Variants in SLC6A16 observed in about 807,000 individuals in gnomAD.
SLC6A16 encodes the protein solute carrier family 6 member 16.
In SLC6A16, 54 loss-of-function variants were observed where a neutral mutation model predicts 65.4. That is an observed-to-expected ratio of 0.83 (90% CI 0.66 to 1.04). The LOEUF (loss-of-function observed/expected upper bound fraction) is 1.04. Ranked by LOEUF, SLC6A16 falls within the 50% of genes least tolerant of loss-of-function variation. SLC6A16 has a pLI of 0.00. For missense variants in SLC6A16, 816 were observed against 914.0 expected (o/e 0.89, Z 1.38); for synonymous variants, 330 against 346.5 (o/e 0.95, Z 0.53).
chr19:49,325,293 C>T, upstream of SLC6A16: 3 of 950,318 alleles, frequency 3.2e-6, no homozygotes, highest in Non-Finnish European at 2.5e-6. Context: ...ACTTCGCCCT[C>T]CCCAACTCCC....
intron 7 of SLC6A16, among the ~76,000 whole-genome samples, chr19:49,300,909 G>A (rs1241429463): frequency 6.6e-6 from 1 of 152,014 alleles, no homozygotes; most frequent in Non-Finnish European, 1.5e-5. Context: ...AAAATTAGCT[G>A]GGCATGGTGG....
chr19:49,302,227 G>T (rs1970304566), intron 7 of SLC6A16, among the ~76,000 whole-genome samples: 1 of 152,206 alleles, frequency 6.6e-6, no homozygotes, highest in Non-Finnish European at 1.5e-5. Context: ...GCAGCAGAGT[G>T]TGTGCACACC....
chr19:49,319,676 A>G (rs1419549118), intron 1 of SLC6A16, among the ~76,000 whole-genome samples: 1 of 152,094 alleles, frequency 6.6e-6, no homozygotes, highest in Non-Finnish European at 1.5e-5. Flanking sequence ...GAAGATAAGC[A>G]AGGAAATAGA....
chr19:49,310,537 T>C (rs1369546233), intron 2 of SLC6A16, 27 bp from the exon 3 acceptor site: 2 of 1,613,586 alleles, frequency 1.2e-6, no homozygotes, highest in Non-Finnish European at 8.5e-7. Flanking sequence ...GAAGGGACTC[T>C]GAGAACCATG....
intron 1 of SLC6A16, among the ~76,000 whole-genome samples, 176 bp downstream of exon 1, chr19:49,324,872 G>A (rs907842770): frequency 2.0e-5 from 3 of 152,158 alleles, no homozygotes; most frequent in East Asian, 1.9e-4. Context: ...GGGGGGTAAA[G>A]GAGGGACCCC....
At position 49,309,317 on chromosome 19, in the gene SLC6A16, T is replaced by A. The variant is rs766320489; in HGVS notation, c.971A>T (p.Gln324Leu). Reference protein sequence around the residue: ...LLEGAKFGLQQLVVAKISDVY... With the variant: ...LLEGAKFGLQLLVVAKISDVY... The stretch of plus-strand genomic sequence containing the variant: ...AGATTTCACCTTGGCAACCACCAAC[T>A]GTTGAAGGCCAAATTTTGCCCCTTC... Residue 324 changes from glutamine to leucine, a missense_variant, in exon 6 of 12, where the codon CAG becomes CTG. Transcript: ENST00000335875. 45 of 1,613,486 alleles carry A rather than the reference T, an allele frequency of 2.8e-5. No homozygotes were observed. The highest frequency in any genetic ancestry group is 3.6e-5 in the Non-Finnish European group (43 of 1,179,526).
At chr19:49,310,016 C>T (rs1475475206) in intron 4 of SLC6A16, 24 bp downstream of exon 4, 4 of 1,610,404 alleles carry the variant, frequency 2.5e-6, no homozygotes, top group East Asian at 2.2e-5. Context: ...TTTCCCTTCT[C>T]CTCTTCTTTC....
chr19:49,309,053 C>G lies in SLC6A16; in HGVS notation c.1052G>C (p.Gly351Ala). The G allele has an allele frequency of 6.2e-7, 1 of 1,614,154 alleles. No homozygotes were observed. Among genetic ancestry groups the G allele is most frequent in the Non-Finnish European group, 8.5e-7 (1 of 1,180,034 alleles). Residue 351 changes from glycine to alanine, a missense_variant, in exon 7 of 12, where the codon GGC becomes GCC. By Grantham distance (60) the Gly-to-Ala change is moderately conservative (BLOSUM62 0). Transcript: ENST00000335875. ...GGAGGCAACGGAGCCAAGGCCTATG[C>G]CTGTGTTAGACAAAACTTGACCCCC... ...LAGGQVLSNT[G>A]IGLGSVASLA...
chr19:49,307,368 C>T (rs1970411094), intron 7 of SLC6A16, among the ~76,000 whole-genome samples: 1 of 151,770 alleles, frequency 6.6e-6, no homozygotes, highest in African/African-American at 2.4e-5. Context: ...GAGGGCAATG[C>T]ATTACGCCAC....
intron 7 of SLC6A16, among the ~76,000 whole-genome samples, chr19:49,304,526 G>A (rs1321571948): frequency 6.6e-6 from 1 of 152,176 alleles, no homozygotes; most frequent in Non-Finnish European, 1.5e-5. Context: ...AGCACTTCGG[G>A]AGGCTGAGGT....
chr19:49,314,159 G>C (rs1424581674), intron 1 of SLC6A16, among the ~76,000 whole-genome samples: 2 of 151,246 alleles, frequency 1.3e-5, no homozygotes, highest in Non-Finnish European at 2.9e-5. Context: ...ATTGATAAGT[G>C]AAAATAAAAA....
intron 1 of SLC6A16, among the ~76,000 whole-genome samples, chr19:49,321,548 T>C (rs1455913967): frequency 1.3e-5 from 2 of 151,988 alleles, no homozygotes; most frequent in East Asian, 1.9e-4. Context: ...CCAGCCTGGC[T>C]AACATGGTGA....
intron 7 of SLC6A16, among the ~76,000 whole-genome samples, chr19:49,297,986 T>C (rs1970216132): frequency 6.6e-6 from 1 of 152,086 alleles, no homozygotes; most frequent in South Asian, 2.1e-4. Flanking sequence ...CTAGATGATA[T>C]AGTAAAAAGG....
chr19:49,339,350 G>GA, the SLC6A16 span: 1 of 1,614,084 alleles, frequency 6.2e-7, no homozygotes, highest in Non-Finnish European at 8.5e-7. The surrounding 1 kb of genome is among the most constrained non-coding windows in gnomAD (Gnocchi z 4.5). Flanking sequence ...AGGGCCTCCA[G>GA]AAGTGGCTGC....
chr19:49,336,004 T>G, the SLC6A16 span: 1 of 585,428 alleles, frequency 1.7e-6, no homozygotes, highest in South Asian at 2.1e-5. Flanking sequence ...TCTCAAGCAC[T>G]TCCTATCTGT....
rs1050678376 is a variant in SLC6A16 at position 49,292,150 on chromosome 19, C to G, written c.1778+1073G>C. Reference sequence around the variant, plus strand: ...TTTGGGAGGCTGAGGCAGGTGATCACGAGGTCAAGAGTTCGAGACCAGCCT... The same window carrying G: ...TTTGGGAGGCTGAGGCAGGTGATCAGGAGGTCAAGAGTTCGAGACCAGCCT... On this transcript the variant is annotated intron_variant, in intron 10 of 11. Transcript: ENST00000335875. The surrounding 1 kb of genome is among the most constrained non-coding windows in gnomAD (Gnocchi z 4.3). Among the ~76,000 whole-genome samples, 2 of 152,050 alleles carry G rather than the reference C, an allele frequency of 1.3e-5. No individual in the cohort carries two copies. Among genetic ancestry groups the G allele is most frequent in the Non-Finnish European group, 2.9e-5 (2 of 67,976 alleles).
chr19:49,334,868 G>A, the SLC6A16 span, among the ~76,000 whole-genome samples: 4 of 152,042 alleles, frequency 2.6e-5, no homozygotes, highest in African/African-American at 9.7e-5. Flanking sequence ...GGTGAAAAGT[G>A]AGACCCTGTC....
chr19:49,305,637 G>A (rs66967196), intron 7 of SLC6A16: 36,317 of 149,648 alleles, frequency 0.24, 4,619 homozygotes, highest in South Asian at 0.4. Flanking sequence ...GAGCAGCGCC[G>A]TCCCTGCTGG....
At chr19:49,290,467 T>C in intron 11 of SLC6A16, 75 bp from the exon 12 acceptor site, 2 of 1,571,784 alleles carry the variant, frequency 1.3e-6, no homozygotes, top group Non-Finnish European at 1.7e-6. Flanking sequence ...AGGGGAAGGA[T>C]GGGTGGGGAA....
Sources: allele counts gnomAD v4.1 joint callset (sites outside exome capture counted in the v4.1 genomes callset), GRCh38; gene constraint gnomAD v4.1.1; non-coding constraint Gnocchi (gnomAD v3.1); transcripts MANE v1.5; gene names NCBI Gene and HGNC (gene_info 2026-07-23, HGNC 2026-07-21).